Variants in NRK observed in about 807,000 individuals in gnomAD.
NRK encodes the protein Nik related kinase.
In NRK, 67 loss-of-function variants were observed where a neutral mutation model predicts 125.2. The observed-to-expected ratio is 0.54, with a 90% CI of 0.44 to 0.66. The LOEUF is 0.66. Among genes scored for constraint, NRK ranks in the 30% least tolerant of loss-of-function variants. The probability of loss-of-function intolerance (pLI) is 0.00; values close to 1 mark genes in which losing one functional copy is unlikely to be tolerated. For synonymous variants in NRK, 458 were observed against 429.0 expected, an observed-to-expected ratio of 1.07 and a Z score of -0.84; for missense variants, 1,224 against 1,192.9, an observed-to-expected ratio of 1.03 and a Z score of -0.38.
intron 2 of NRK, among the ~76,000 whole-genome samples, chrX:105,865,998 A>G (rs187174821): frequency 4.7e-4 from 46 of 97,596 alleles, no homozygotes; most frequent in Middle Eastern, 5.2e-3. Context: ...AGTCAGGTGC[A>G]TAAAACAAAA....
intron 3 of NRK, among the ~76,000 whole-genome samples, chrX:105,880,831 T>C (rs1211681240): frequency 8.9e-6 from 1 of 111,928 alleles, no homozygotes; most frequent in East Asian, 2.8e-4. Flanking sequence ...TTGCTAGCAC[T>C]GATTTCTGTT....
At chrX:105,884,777 G>A (rs147658521) in intron 4 of NRK, among the ~76,000 whole-genome samples, 8 of 111,899 alleles carry the variant, frequency 7.1e-5, no homozygotes, top group African/African-American at 2.3e-4. Flanking sequence ...TTTCAGAACC[G>A]GAAGTCTTTA....
intron 2 of NRK, among the ~76,000 whole-genome samples, chrX:105,859,238 T>C (rs1186700063): frequency 1.8e-5 from 2 of 111,941 alleles, no homozygotes; most frequent in African/African-American, 3.2e-5. Context: ...AATATTGATA[T>C]GTGCTTTATA....
intron 6 of NRK, among the ~76,000 whole-genome samples, chrX:105,895,023 C>G (rs1199835897): frequency 8.9e-6 from 1 of 111,792 alleles, no homozygotes; most frequent in African/African-American, 3.2e-5. Context: ...ACAAAGCTGA[C>G]TAGAAAATAT....
In NRK at chrX:105,956,527, A is replaced by G. The variant is rs1240104659; in HGVS notation, c.*927A>G. ...TATTTGCCCAATCCAAGATTAGACT[A>G]CACAAAAGCTTCCTTCCAGTATTAA... On this transcript the variant is annotated 3_prime_UTR_variant, in exon 29 of 29. Transcript: ENST00000243300. 1 of 112,227 alleles carries G rather than the reference A, an allele frequency of 8.9e-6. No individual in the cohort carries two copies. The highest frequency in any genetic ancestry group is 3.2e-5 in the African/African-American group (1 of 30,867). The allele number at this position is 112,227 out of a possible 1,213,427, so 9.2% of individuals were successfully genotyped here.
At chrX:105,844,703 C>T (rs1261413083) in intron 2 of NRK, among the ~76,000 whole-genome samples, 1 of 111,503 alleles carries the variant, frequency 9.0e-6, no homozygotes, top group Non-Finnish European at 1.9e-5. Flanking sequence ...AGGTGAGTTG[C>T]ATAGGAGAGG....
chrX:105,881,632 T>C (rs2039885633), intron 3 of NRK, 76 bp from the exon 4 acceptor site: 1 of 539,150 alleles, frequency 1.9e-6, no homozygotes, highest in African/African-American at 2.3e-5. Context: ...AGTGCTAACG[T>C]AGCTTAAAGT....
intron 23 of NRK, among the ~76,000 whole-genome samples, chrX:105,942,794 T>TTTTTTATA (rs1209754195): frequency 9.6e-6 from 1 of 104,408 alleles, no homozygotes; most frequent in East Asian, 3.0e-4. Flanking sequence ...ATTTTTTATA[T>TTTTTTATA]TTTTTTTTTT....
chrX:105,885,394 T>A (rs1057438038), intron 4 of NRK, among the ~76,000 whole-genome samples: 17 of 112,306 alleles, frequency 1.5e-4, no homozygotes, highest in Admixed American at 4.7e-4. Context: ...GATGTGTAAT[T>A]TCCTTTAAGT....
At chrX:105,847,619 C>G (rs2039419238) in intron 2 of NRK, among the ~76,000 whole-genome samples, 1 of 112,225 alleles carries the variant, frequency 8.9e-6, no homozygotes. Flanking sequence ...AAAAGCTAGA[C>G]AGTTGAAGCA....
chrX:105,875,198 G>A (rs2039797915), intron 2 of NRK, among the ~76,000 whole-genome samples: 1 of 111,418 alleles, frequency 9.0e-6, no homozygotes, highest in Non-Finnish European at 1.9e-5. Context: ...CCAATAAACT[G>A]TGAATAGAAC....
chrX:105,940,040 A>C lies in NRK; in HGVS notation c.3958+8A>C. 1 of 1,140,133 alleles carries C rather than the reference A, an allele frequency of 8.8e-7. No homozygotes were observed. Among genetic ancestry groups the C allele is most frequent in the Non-Finnish European group, 1.2e-6 (1 of 844,979 alleles). The allele number at this position is 1,140,133 out of a possible 1,213,427, so 94.0% of individuals were successfully genotyped here. ...GTGAACACTTCAGTGTCCGTAAGCC[A>C]CATTTCATGTTTACTACAGCTATAT... On this transcript the variant is annotated splice_region_variant and intron_variant, in intron 23 of 28. Coordinates refer to ENST00000243300, the MANE Select transcript of NRK (RefSeq NM_198465.4).
chrX:105,917,336 A>G lies in NRK; in HGVS notation c.2418-242A>G, dbSNP rs899714030. Among the ~76,000 whole-genome samples the G allele has an allele frequency of 3.6e-5, 4 of 111,236 alleles. No homozygotes were observed. In the East Asian group the frequency reaches 8.5e-4, roughly 24 times the overall value. Reference sequence around the variant, plus strand: ...TTTTTAGAAATTAATATATATATAAAGGAAACATATACTCTATGAAAACAT... The same window carrying G: ...TTTTTAGAAATTAATATATATATAAGGGAAACATATACTCTATGAAAACAT... On this transcript the variant is annotated intron_variant, in intron 15 of 28. Transcript: ENST00000243300.
intron 14 of NRK, among the ~76,000 whole-genome samples, chrX:105,913,663 G>A (rs62605033): frequency 0.1 from 11,365 of 110,608 alleles, 584 homozygotes; most frequent in Middle Eastern, 0.2. Context: ...AAAATAAAAT[G>A]TCTACCAAAT....
intron 2 of NRK, among the ~76,000 whole-genome samples, chrX:105,855,554 G>T (rs2039521773): frequency 9.0e-6 from 1 of 111,327 alleles, no homozygotes; most frequent in Admixed American, 9.6e-5. Flanking sequence ...ATACATAATT[G>T]ATTATCTCCT....
intron 2 of NRK, among the ~76,000 whole-genome samples, chrX:105,849,074 C>G (rs1474545019): frequency 1.8e-5 from 2 of 111,587 alleles, no homozygotes; most frequent in Non-Finnish European, 3.8e-5. Flanking sequence ...TTTCATGCTG[C>G]TGATAAAGAC....
At chrX:105,924,224 A>G (rs2040492832) in intron 18 of NRK, among the ~76,000 whole-genome samples, 1 of 110,087 alleles carries the variant, frequency 9.1e-6, no homozygotes, top group Non-Finnish European at 1.9e-5. Flanking sequence ...TCTATAGCAA[A>G]GCAGTCAGTA....
intron 25 of NRK, 39 bp downstream of exon 25, chrX:105,946,054 T>TACAAGGCTCTTATGATCATTGCCAATCTG: frequency 1.7e-6 from 2 of 1,161,031 alleles, no homozygotes; most frequent in Non-Finnish European, 2.3e-6. Flanking sequence ...TGCAGGGTCA[T>TACAAGGCTCTTATGATCATTGCCAATCTG]ACAAGGCTCT....
intron 2 of NRK, among the ~76,000 whole-genome samples, chrX:105,859,993 G>T (rs767749488): frequency 3.1e-4 from 35 of 111,924 alleles, no homozygotes; most frequent in Non-Finnish European, 5.5e-4. Flanking sequence ...CTCTCACCCA[G>T]TACCTTGCCT....
Sources: gnomAD v4.1 joint callset for allele counts (sites outside exome capture counted in the v4.1 genomes callset) on GRCh38, gnomAD v4.1.1 for gene constraint, MANE v1.5 for transcripts, NCBI Gene and HGNC (gene_info 2026-07-23, HGNC 2026-07-21) for gene names.